OXNAD1: variants seen among roughly 807,000 people sequenced by gnomAD.
OXNAD1 encodes the protein oxidoreductase NAD binding domain containing 1, also known as oxidoreductase NAD-binding domain-containing protein 1.
OXNAD1 carries 34 observed loss-of-function variants against 32.9 expected under a neutral mutation model. That is an observed-to-expected ratio of 1.03 (90% CI 0.79 to 1.38). The LOEUF (loss-of-function observed/expected upper bound fraction) is 1.38, where lower values mean the gene tolerates loss of function less well. Among genes scored for constraint, OXNAD1 ranks in the 40% most tolerant of loss-of-function variants. The probability of loss-of-function intolerance (pLI) is 0.00; values close to 1 mark genes in which losing one functional copy is unlikely to be tolerated. For missense variants in OXNAD1, 407 were observed against 379.4 expected (o/e 1.07, Z -0.60); for synonymous variants, 134 against 135.2 (o/e 0.99, Z 0.06).
chr3:16,324,613 A>ACT (rs1553718054), intron 9 of OXNAD1, among the ~76,000 whole-genome samples: 1 of 90,800 alleles, frequency 1.1e-5, no homozygotes, highest in Non-Finnish European at 2.2e-5. Flanking sequence ...AATGTCCCTG[A>ACT]CCCCCCCCCT....
At chr3:16,281,402 C>T (rs1367549106) in intron 4 of OXNAD1, among the ~76,000 whole-genome samples, 1 of 152,140 alleles carries the variant, frequency 6.6e-6, no homozygotes, top group African/African-American at 2.4e-5. Context: ...AAATCCAAAA[C>T]GTTTTGAGTA....
chr3:16,309,197 C>T (rs1159849767), downstream of OXNAD1, among the ~76,000 whole-genome samples: 2 of 152,186 alleles, frequency 1.3e-5, no homozygotes, highest in Non-Finnish European at 2.9e-5. Context: ...AACCATATCT[C>T]CATGATGGAC....
Position 16,346,720 on chromosome 3 carries a change from A to G in OXNAD1, c.*31-2456A>G, listed in dbSNP as rs2071745952. On this transcript the variant is annotated intron_variant, in intron 9 of 9. Coordinates refer to the OXNAD1 transcript ENST00000606098. This position sits in a 1 kb window ranked among gnomAD's most constrained non-coding sequence, Gnocchi z 4.4. ...TGGGAAAGCTTTTACTTGCTAATAA[A>G]AAGGGACGTGTGGCAGGAAAAAACT... Among the ~76,000 whole-genome samples the G allele has an allele frequency of 6.6e-6, 1 of 152,216 alleles. No individual in the cohort carries two copies. The highest frequency in any genetic ancestry group is 2.4e-5 in the African/African-American group (1 of 41,456).
At chr3:16,282,618 G>T (rs1014647005) in intron 4 of OXNAD1, among the ~76,000 whole-genome samples, 2 of 152,026 alleles carry the variant, frequency 1.3e-5, no homozygotes, top group African/African-American at 4.8e-5. Context: ...GGTGTTACTT[G>T]AGCAGGGCCT....
rs1404106289 is a variant in OXNAD1, at chr3:16,314,089, GTGGGTT to G, written c.*30+10500_*30+10505del. Among the ~76,000 whole-genome samples the G allele has an allele frequency of 1.3e-5, 2 of 151,880 alleles. No homozygotes were observed. The highest frequency in any genetic ancestry group is 6.6e-5 in the Admixed American group (1 of 15,254). ...ATCACCTGATAACCACCTGATCACA[GTGGGTT>G]TGCAGGACTCCCCTGCAAACCCACT... On this transcript the variant is annotated intron_variant, in intron 9 of 9. Transcript: ENST00000435829. The surrounding 1 kb of genome is among the most constrained non-coding windows in gnomAD (Gnocchi z 4.4).
At chr3:16,309,540 C>CTAATCAGTTAGATG (rs2067817032), downstream of OXNAD1, among the ~76,000 whole-genome samples, 2 of 3,018 alleles carry the variant, frequency 6.6e-4, 1 homozygote, top group South Asian at 0.015. Context: ...GTCTTTTCCC[C>CTAATCAGTTAGATG]TAATCAGTTA....
rs2069838734 is a variant in OXNAD1 at position 16,327,585 on chromosome 3, C to A, written c.*31-9527C>A. 6.6e-6 allele frequency among the ~76,000 whole-genome samples: 1 copy of A among 151,948 alleles called. No homozygotes were observed. The highest frequency in any genetic ancestry group is 1.5e-5 in the Non-Finnish European group (1 of 67,988). On this transcript the variant is annotated intron_variant, in intron 9 of 9. Coordinates refer to the OXNAD1 transcript ENST00000435829. This position sits in a 1 kb window ranked among gnomAD's most constrained non-coding sequence, Gnocchi z 4.2. ...CCATCCTGGCTAACACAGTGAAACC[C>A]CGTCTCTACTAAAAATACAAAAAAA...
In OXNAD1 at chr3:16,289,618, A is replaced by G. The variant is rs2066293227; in HGVS notation, c.290+3170A>G. On this transcript the variant is annotated intron_variant, in intron 5 of 8. Transcript: ENST00000285083. This position sits in a 1 kb window ranked among gnomAD's most constrained non-coding sequence, Gnocchi z 4.9. ...TAGATAATATCCTTGCAACCTACAC[A>G]AGCATGTGTGGCAGCCCTGATTCTC... Among the ~76,000 whole-genome samples the G allele has an allele frequency of 6.6e-6, 1 of 151,928 alleles. No individual in the cohort carries two copies. Among genetic ancestry groups the G allele is most frequent in the Non-Finnish European group, 1.5e-5 (1 of 67,950 alleles).
At position 16,303,032 on chromosome 3, in the gene OXNAD1, G is replaced by T. The variant is rs1233236931; in HGVS notation, c.784+284G>T. On this transcript the variant is annotated intron_variant, in intron 8 of 8. Coordinates refer to ENST00000285083, the MANE Select transcript of OXNAD1 (RefSeq NM_138381.5). This position sits in a 1 kb window ranked among gnomAD's most constrained non-coding sequence, Gnocchi z 4.8. ...AATAATTTATATTCCAGATTTGGCT[G>T]AATTGATTCCATTTGCCATTAATGG... is the stretch of plus-strand genomic sequence containing the variant. Among the ~76,000 whole-genome samples the T allele has an allele frequency of 6.6e-6, 1 of 152,184 alleles. No homozygotes were observed. Among genetic ancestry groups the T allele is most frequent in the East Asian group, 1.9e-4 (1 of 5,200 alleles).
At chr3:16,310,108 C>T (rs757419188), downstream of OXNAD1, among the ~76,000 whole-genome samples, 6 of 152,136 alleles carry the variant, frequency 3.9e-5, no homozygotes, top group African/African-American at 1.4e-4. Context: ...GTGGAATTAC[C>T]GTTAGTAAGA....
chr3:16,339,390 C>G (rs1280555832), downstream of OXNAD1: 2 of 152,220 alleles, frequency 1.3e-5, no homozygotes, highest in Non-Finnish European at 2.9e-5. Context: ...TCTGAGGTGC[C>G]AGAAACCTCC....
At chr3:16,309,746 T>G (rs1242186472), downstream of OXNAD1, among the ~76,000 whole-genome samples, 1 of 152,198 alleles carries the variant, frequency 6.6e-6, no homozygotes, top group African/African-American at 2.4e-5. Context: ...TTCTACAACT[T>G]GTTTCCTGTG....
chr3:16,283,476 T>C (rs1394016870), intron 4 of OXNAD1, among the ~76,000 whole-genome samples: 1 of 152,228 alleles, frequency 6.6e-6, no homozygotes, highest in African/African-American at 2.4e-5. Context: ...CACTGTCTCT[T>C]GGGATATAAT....
intron 4 of OXNAD1, among the ~76,000 whole-genome samples, chr3:16,279,529 G>A (rs1471935000): frequency 6.6e-6 from 1 of 151,910 alleles, no homozygotes; most frequent in Non-Finnish European, 1.5e-5. Context: ...ATGAAAAGTT[G>A]AGGCCACGTA....
downstream of OXNAD1, among the ~76,000 whole-genome samples, chr3:16,311,036 C>T (rs2067946571): frequency 6.7e-6 from 1 of 149,796 alleles, no homozygotes; most frequent in Non-Finnish European, 1.5e-5. Flanking sequence ...AATTCCCACT[C>T]TGCCCGTCAG....
chr3:16,281,126 A>T (rs2065708242), intron 4 of OXNAD1, among the ~76,000 whole-genome samples: 1 of 152,256 alleles, frequency 6.6e-6, no homozygotes, highest in Non-Finnish European at 1.5e-5. Context: ...TAAAATAAAT[A>T]TGTGGTCTTC....
At chr3:16,308,150 T>TA (rs572897601), downstream of OXNAD1, among the ~76,000 whole-genome samples, 35 of 152,208 alleles carry the variant, frequency 2.3e-4, no homozygotes, top group Non-Finnish European at 4.6e-4. This position sits in a 1 kb window ranked among gnomAD's most constrained non-coding sequence, Gnocchi z 4.4. Flanking sequence ...GTCTAAGTGA[T>TA]AAAGGTATCT....
rs1366435299 is a variant in OXNAD1, at chr3:16,312,341, T to TAATC, written c.*30+8751_*30+8754dup. ...GCGGGTCATAGTGCAGGCAGAGCAC[T>TAATC]AATCACCAGGGGCCCACCCTGCACT... is the stretch of plus-strand genomic sequence containing the variant. On this transcript the variant is annotated intron_variant, in intron 9 of 9. Coordinates refer to the OXNAD1 transcript ENST00000435829. The surrounding 1 kb of genome is among the most constrained non-coding windows in gnomAD (Gnocchi z 4.7). Among the ~76,000 whole-genome samples, 1 of 152,200 alleles carries TAATC rather than the reference T, an allele frequency of 6.6e-6. No individual in the cohort carries two copies. Among genetic ancestry groups the TAATC allele is most frequent in the Admixed American group, 6.5e-5 (1 of 15,276 alleles).
chr3:16,311,074 T>G (rs2125126221), downstream of OXNAD1, among the ~76,000 whole-genome samples: 1 of 150,436 alleles, frequency 6.6e-6, no homozygotes, highest in East Asian at 2.0e-4. Context: ...CCCTTTGTAC[T>G]CCCACATGCA....
Sources: gnomAD v4.1 joint callset for allele counts (sites outside exome capture counted in the v4.1 genomes callset) on GRCh38, gnomAD v4.1.1 for gene constraint, Gnocchi (gnomAD v3.1) non-coding constraint, MANE v1.5 for transcripts, NCBI Gene and HGNC (gene_info 2026-07-23, HGNC 2026-07-21) for gene names.